NRBP1: variants seen among roughly 807,000 people sequenced by gnomAD.
NRBP1 encodes the protein nuclear receptor binding protein 1.
NRBP1 carries 10 observed loss-of-function variants against 76.0 expected under a neutral mutation model. The observed-to-expected ratio is 0.13, with a 90% CI of 0.08 to 0.22. The LOEUF (loss-of-function observed/expected upper bound fraction) is 0.22, where lower values mean the gene tolerates loss of function less well. NRBP1 is among the 10% of genes least tolerant of loss of function. The probability of loss-of-function intolerance (pLI) is 1.00; values close to 1 mark genes in which losing one functional copy is unlikely to be tolerated. For missense variants in NRBP1, 344 were observed against 646.0 expected, an observed-to-expected ratio of 0.53 and a Z score of 5.07; for synonymous variants, 235 against 240.2, an observed-to-expected ratio of 0.98 and a Z score of 0.20.
At position 27,441,722 on chromosome 2, in the gene NRBP1, G is replaced by A; in HGVS notation, c.1518G>A (p.Arg506=). 1.9e-6 allele frequency: 3 copies of A among 1,613,852 alleles called. No individual in the cohort carries two copies. The highest frequency in any genetic ancestry group is 1.7e-6 in the Non-Finnish European group (2 of 1,179,826). The part of the protein sequence containing the change: ...LGFISEADQS[R]LTSLLEETLN... ...TTCTCCCCCAGGCTGACCAGAGCCG[G>A]TTGACTTCTCTGCTAGAAGAGACCT... The change falls in exon 18 of 18, where the codon CGG becomes CGA. Residue 506 remains arginine, a synonymous_variant. Coordinates refer to ENST00000379852, the MANE Select transcript of NRBP1 (RefSeq NM_013392.4).
rs1572698419 is a variant in NRBP1 at position 27,441,851 on chromosome 2, T to C, written c.*39T>C. The C allele has an allele frequency of 7.9e-7, 1 of 1,272,154 alleles. No homozygotes were observed. The highest frequency in any genetic ancestry group is 1.5e-5 in the African/African-American group (1 of 68,204). The allele number at this position is 1,272,154 out of a possible 1,614,324, so 78.8% of individuals were successfully genotyped here. A position where few individuals can be genotyped will look rare whatever the true frequency, so the allele number is the denominator to read the frequency against. On this transcript the variant is annotated 3_prime_UTR_variant, in exon 18 of 18. Transcript: ENST00000379852. ...CAGGCCCTGATCTGCGCTGTGGCTG[T>C]CCCTGGACGTGCTGCAGCCCTCCTG...
At position 27,442,155 on chromosome 2, in the gene NRBP1, G is replaced by C. The variant is rs1323553900; in HGVS notation, c.*343G>C. 1.9e-6 allele frequency: 1 copy of C among 530,472 alleles called. No homozygotes were observed. The highest frequency in any genetic ancestry group is 3.3e-6 in the Non-Finnish European group (1 of 303,726). 32.9% of individuals were successfully genotyped at this position (530,472 alleles called of 1,614,324 possible). On this transcript the variant is annotated 3_prime_UTR_variant, in exon 18 of 18. Transcript: ENST00000379852. ...GGAGCCGAATTCTACAATCCCGCTG[G>C]GGCGGCCGGGGCGGGAGAGAAAGGT... is the stretch of plus-strand genomic sequence containing the variant.
chr2:27,436,172 A>C, intron 7 of NRBP1: 1 of 271,618 alleles, frequency 3.7e-6, no homozygotes, highest in Non-Finnish European at 7.2e-6. Context: ...AAAGTGGAAC[A>C]GATTCAAGGG....
At position 27,441,258 on chromosome 2, in the gene NRBP1, A is replaced by G. The variant is rs1664543272; in HGVS notation, c.1384-9A>G. 1 of 1,614,088 alleles carries G rather than the reference A, an allele frequency of 6.2e-7. No individual in the cohort carries two copies. Among genetic ancestry groups the G allele is most frequent in the Non-Finnish European group, 8.5e-7 (1 of 1,179,982 alleles). On this transcript the variant is annotated splice_polypyrimidine_tract_variant and intron_variant, in intron 15 of 17. Transcript: ENST00000379852. ...AAAAGTCTCATTTTCTGACTGTCCTATTCTCCAGCTGACACTTCTGCTGAA... is the reference window on the plus strand; with the variant it reads ...AAAAGTCTCATTTTCTGACTGTCCTGTTCTCCAGCTGACACTTCTGCTGAA...
At position 27,442,044 on chromosome 2, in the gene NRBP1, C is replaced by T; in HGVS notation, c.*232C>T. ...GCACAGACGTGGGCCTGGGCCTTCT[C>T]AGCAGCCGCCTTCTAGTTGGGGGCT... On this transcript the variant is annotated 3_prime_UTR_variant, in exon 18 of 18. Transcript: ENST00000379852. 1 of 538,592 alleles carries T rather than the reference C, an allele frequency of 1.9e-6. No individual in the cohort carries two copies. 33.4% of individuals were successfully genotyped at this position (538,592 alleles called of 1,614,324 possible).
At chr2:27,437,383 C>A (rs1372670395) in intron 10 of NRBP1, 23 bp downstream of exon 10, 4 of 1,540,094 alleles carry the variant, frequency 2.6e-6, no homozygotes, top group Non-Finnish European at 3.6e-6. Flanking sequence ...AGGATCACTC[C>A]CTCCTCAACT....
rs766349536 is a variant in NRBP1 at position 27,441,303 on chromosome 2, C to A, written c.1420C>A (p.Arg474=). 3 of 1,614,070 alleles carry A rather than the reference C, an allele frequency of 1.9e-6. No individual in the cohort carries two copies. The Admixed American group carries it at 5.0e-5, about 27-fold the overall frequency. The change falls in exon 16 of 18, where the codon CGG becomes AGG. Residue 474 remains arginine, a synonymous_variant. Coordinates refer to ENST00000379852, the MANE Select transcript of NRBP1 (RefSeq NM_013392.4). ...GCTGAAGTTGGAGGACAAACTGAAC[C>A]GGCACCTGAGCTGTGACCTGATGCC... ...LLLKLEDKLN[R]HLSCDLMPNE...
intron 6 of NRBP1, 88 bp downstream of exon 6, chr2:27,434,850 C>T: frequency 7.6e-7 from 1 of 1,320,444 alleles, no homozygotes; most frequent in East Asian, 2.3e-5. Flanking sequence ...CTGTTCTATT[C>T]TGCCTCTCCC....
Position 27,433,264 on chromosome 2 carries a change from TC to T in NRBP1, c.-8del, listed in dbSNP as rs1468491385. ...CCCCAACCAGTGCAGGCCTGAGTGT[TC>T]CTTCCAGCATGTCGGAGGGGGAGTC... On this transcript the variant is annotated 5_prime_UTR_variant, in exon 2 of 18. Coordinates refer to ENST00000379852, the MANE Select transcript of NRBP1 (RefSeq NM_013392.4). The T allele has an allele frequency of 2.5e-6, 4 of 1,612,018 alleles. No individual in the cohort carries two copies. Among genetic ancestry groups the T allele is most frequent in the Non-Finnish European group, 3.4e-6 (4 of 1,178,798 alleles).
chr2:27,430,776 T>A (rs1664083311), intron 1 of NRBP1, among the ~76,000 whole-genome samples: 1 of 151,718 alleles, frequency 6.6e-6, no homozygotes, highest in Admixed American at 6.6e-5. Flanking sequence ...ATCTCTTTCA[T>A]ACTGTAGAGA....
intron 16 of NRBP1, 34 bp from the exon 17 acceptor site, chr2:27,441,533 G>A (rs548338942): frequency 7.8e-5 from 126 of 1,612,284 alleles, no homozygotes; most frequent in African/African-American, 6.4e-4. Context: ...CCTCAGTCCC[G>A]TACTGTACTC....
chr2:27,428,381 C>T (rs918251463), upstream of NRBP1: 1 of 347,570 alleles, frequency 2.9e-6, no homozygotes, highest in African/African-American at 2.1e-5. Context: ...CCAGCAGAAC[C>T]ATCTGGGGCA....
At chr2:27,434,339 A>T in intron 4 of NRBP1, 132 bp from the exon 5 acceptor site, 1 of 774,064 alleles carries the variant, frequency 1.3e-6, no homozygotes, top group Non-Finnish European at 2.2e-6. Flanking sequence ...TCATTGCCCT[A>T]TTTAGTCTAA....
At chr2:27,441,011 CTCT>C in intron 14 of NRBP1, 71 bp downstream of exon 14, 1 of 1,609,264 alleles carries the variant, frequency 6.2e-7, no homozygotes, top group Non-Finnish European at 8.5e-7. Context: ...TCAAATAAGG[CTCT>C]ATCCTTTAGA....
chr2:27,427,804 A>C (rs540216881), upstream of NRBP1: 4 of 152,286 alleles, frequency 2.6e-5, no homozygotes, highest in Admixed American at 6.5e-5. Context: ...TACACGTCTA[A>C]GGGCAGAGTG....
rs372579058 is a variant in NRBP1 at position 27,440,843 on chromosome 2, G to A, written c.1232G>A (p.Arg411Gln). The A allele has an allele frequency of 4.3e-6, 7 of 1,613,828 alleles. No homozygotes were observed. The highest frequency in any genetic ancestry group is 1.6e-4 in the Middle Eastern group (1 of 6,078). Residue 411 changes from arginine to glutamine, a missense_variant, in exon 14 of 18, where the codon CGG becomes CAG. By Grantham distance (43) the Arg-to-Gln change is conservative. Transcript: ENST00000379852. ...IYPLTAFGLP[R>Q]PQQPQQEEVT... ...CCTCTGACAGCCTTTGGGCTGCCTC[G>A]GCCCCAGCAGCCACAGCAGGAGGAG... is the stretch of plus-strand genomic sequence containing the variant.
At chr2:27,434,859 C>T (rs929011975) in intron 6 of NRBP1, 97 bp downstream of exon 6, 1 of 1,284,712 alleles carries the variant, frequency 7.8e-7, no homozygotes, top group Admixed American at 1.7e-5. Flanking sequence ...TCTGCCTCTC[C>T]CCACTTTCTT....
At chr2:27,434,990 C>A in intron 6 of NRBP1, 143 bp from the exon 7 acceptor site, 1 of 660,332 alleles carries the variant, frequency 1.5e-6, no homozygotes, top group Non-Finnish European at 2.7e-6. Flanking sequence ...CTATTTAAAT[C>A]ATCAGGCATA....
intron 1 of NRBP1, chr2:27,431,638 C>T (rs773254070): frequency 1.3e-5 from 2 of 152,156 alleles, no homozygotes. Context: ...AGTCATGTGC[C>T]CCAAGGGTAG....
Sources: allele counts gnomAD v4.1 joint callset (sites outside exome capture counted in the v4.1 genomes callset), GRCh38; gene constraint gnomAD v4.1.1; transcripts MANE v1.5; gene names NCBI Gene and HGNC (gene_info 2026-07-23, HGNC 2026-07-21).